Variants in SETD5 observed in about 807,000 individuals in gnomAD.
The protein encoded by SETD5 is SET domain containing 5.
A neutral mutation model predicts 153.3 loss-of-function variants in SETD5; 44 were observed. That is an observed-to-expected ratio of 0.29 (90% CI 0.23 to 0.37). The LOEUF (loss-of-function observed/expected upper bound fraction) is 0.37, where lower values mean the gene tolerates loss of function less well. Among genes scored for constraint, SETD5 ranks in the 10% least tolerant of loss-of-function variants. The pLI is 1.00. For missense variants in SETD5, 1,544 were observed against 1,768.0 expected (o/e 0.87, Z 2.27); for synonymous variants, 716 against 645.2 (o/e 1.11, Z -1.66).
chr3:9,445,372 A>G, intron 12 of SETD5, 72 bp downstream of exon 12: 6 of 1,522,834 alleles, frequency 3.9e-6, no homozygotes, highest in Non-Finnish European at 5.4e-6. Flanking sequence ...GGGTTGCCGC[A>G]TGGTTTAAGT....
chr3:9,464,286 T>C (rs901826985), intron 17 of SETD5, 139 bp from the exon 18 acceptor site: 7 of 1,132,448 alleles, frequency 6.2e-6, no homozygotes, highest in Non-Finnish European at 8.7e-6. Context: ...GGGATTTTGG[T>C]TGGATTGGAG....
chr3:9,460,443 T>G (rs2043817780), intron 17 of SETD5, among the ~76,000 whole-genome samples: 1 of 151,872 alleles, frequency 6.6e-6, no homozygotes, highest in South Asian at 2.1e-4. Context: ...TTTTTTTTTT[T>G]TTTTAATAGT....
intron 17 of SETD5, among the ~76,000 whole-genome samples, chr3:9,458,393 G>A (rs755814845): frequency 6.6e-6 from 1 of 152,120 alleles, no homozygotes; most frequent in Non-Finnish European, 1.5e-5. Flanking sequence ...AAGGCAGAAG[G>A]ATCACTTGAG....
At chr3:9,436,000 C>G in intron 7 of SETD5, 94 bp downstream of exon 7, 4 of 1,284,488 alleles carry the variant, frequency 3.1e-6, no homozygotes, top group Non-Finnish European at 2.1e-6. Context: ...GAAGTTTGAT[C>G]CAGGTGTTTG....
intron 2 of SETD5, among the ~76,000 whole-genome samples, chr3:9,428,180 C>T (rs931908113): frequency 6.6e-6 from 1 of 152,134 alleles, no homozygotes; most frequent in African/African-American, 2.4e-5. Context: ...TTGTTCATAT[C>T]TAGCAGCGTA....
intron 3 of SETD5, 29 bp from the exon 4 acceptor site, chr3:9,433,816 A>G (rs992240920): frequency 8.7e-6 from 14 of 1,602,016 alleles, no homozygotes; most frequent in Admixed American, 8.3e-5. Context: ...GTGTTATGCT[A>G]TCATGCATTG....
In SETD5 at chr3:9,473,615, C is replaced by G. The variant is rs912523928; in HGVS notation, c.3497+78C>G. On this transcript the variant is annotated intron_variant, in intron 20 of 22. Coordinates refer to ENST00000402198, the MANE Select transcript of SETD5 (RefSeq NM_001080517.3). Reference sequence around the variant, plus strand: ...TATCTAAGATCATTCCCAGTTTTACCTAAAATCTATGGGAACACTTGATGG... The same window carrying G: ...TATCTAAGATCATTCCCAGTTTTACGTAAAATCTATGGGAACACTTGATGG... 2.1e-6 allele frequency: 3 copies of G among 1,418,262 alleles called. No homozygotes were observed. In the African/African-American group the frequency reaches 4.3e-5, roughly 20 times the overall value. The allele number at this position is 1,418,262 out of a possible 1,614,324, so 87.9% of individuals were successfully genotyped here.
At position 9,476,459 on chromosome 3, in the gene SETD5, TAAA is replaced by T. The variant is rs5846639; in HGVS notation, c.*385_*387del. 24 of 113,692 alleles carry T rather than the reference TAAA, an allele frequency of 2.1e-4. No homozygotes were observed. Among genetic ancestry groups the T allele is most frequent in the East Asian group, 4.7e-4 (2 of 4,218 alleles). The allele number at this position is 113,692 out of a possible 1,614,324, so 7.0% of individuals were successfully genotyped here. A position where few individuals can be genotyped will look rare whatever the true frequency, so the allele number is the denominator to read the frequency against. ...TGCAGTGAGGACATCTTTTTAAATTTAAAAAAAAAAAAAAAAAAAGTTTTCAAA... is the reference window on the plus strand; with the variant it reads ...TGCAGTGAGGACATCTTTTTAAATTTAAAAAAAAAAAAAAAAGTTTTCAAA... On this transcript the variant is annotated 3_prime_UTR_variant, in exon 23 of 23. Transcript: ENST00000402198.
intron 1 of SETD5, among the ~76,000 whole-genome samples, chr3:9,408,447 T>C (rs1047311936): frequency 2.0e-5 from 3 of 152,218 alleles, no homozygotes; most frequent in African/African-American, 7.2e-5. Flanking sequence ...GTTTAAAAGG[T>C]TCCATTTGAT....
At chr3:9,418,004 G>C (rs1376543043) in intron 1 of SETD5, among the ~76,000 whole-genome samples, 1 of 148,438 alleles carries the variant, frequency 6.7e-6, no homozygotes, top group East Asian at 2.0e-4. Context: ...GCAGTGGCGC[G>C]ATCTCGGCTC....
At chr3:9,404,008 T>C (rs1437830480) in intron 1 of SETD5, among the ~76,000 whole-genome samples, 1 of 152,222 alleles carries the variant, frequency 6.6e-6, no homozygotes, top group Non-Finnish European at 1.5e-5. Context: ...TGAAGGAATA[T>C]ATGACAAGGT....
At chr3:9,441,876 C>A in intron 9 of SETD5, 135 bp downstream of exon 9, 1 of 1,098,854 alleles carries the variant, frequency 9.1e-7, no homozygotes, top group Non-Finnish European at 1.3e-6. Context: ...CACCTGTCTG[C>A]TATTTGTAGA....
chr3:9,443,476 C>A, intron 11 of SETD5, 59 bp downstream of exon 11: 1 of 942,642 alleles, frequency 1.1e-6, no homozygotes, highest in Non-Finnish European at 1.5e-6. Flanking sequence ...TTAAGCTATT[C>A]ACTCTATTTA....
At chr3:9,472,481 G>A (rs1037787240) in intron 19 of SETD5, among the ~76,000 whole-genome samples, 9 of 152,030 alleles carry the variant, frequency 5.9e-5, no homozygotes, top group African/African-American at 2.2e-4. Flanking sequence ...AGATGAAGGG[G>A]AAGTTAGGGA....
chr3:9,399,385 A>C (rs1316024000), intron 1 of SETD5, among the ~76,000 whole-genome samples: 1 of 152,002 alleles, frequency 6.6e-6, no homozygotes, highest in Non-Finnish European at 1.5e-5. Context: ...AAAGCAGAGA[A>C]TACCCACGTA....
At chr3:9,413,848 T>C (rs1234320867) in intron 1 of SETD5, among the ~76,000 whole-genome samples, 1 of 151,868 alleles carries the variant, frequency 6.6e-6, no homozygotes, top group Non-Finnish European at 1.5e-5. Context: ...TGTGATCTCT[T>C]CTCACTGCAA....
chr3:9,428,176 A>T (rs1575338175), intron 2 of SETD5, among the ~76,000 whole-genome samples: 1 of 152,204 alleles, frequency 6.6e-6, no homozygotes, highest in African/African-American at 2.4e-5. Context: ...ATTTTTGTTC[A>T]TATCTAGCAG....
At chr3:9,441,326 T>TA (rs756662174) in intron 8 of SETD5, among the ~76,000 whole-genome samples, 4 of 151,994 alleles carry the variant, frequency 2.6e-5, no homozygotes, top group African/African-American at 7.2e-5. Context: ...ATTTTAGAGA[T>TA]AGAGTCACTG....
intron 1 of SETD5, among the ~76,000 whole-genome samples, chr3:9,407,567 G>T (rs1193118109): frequency 6.6e-6 from 1 of 152,172 alleles, no homozygotes; most frequent in Non-Finnish European, 1.5e-5. Context: ...GACTATGCCA[G>T]CCAAGGGAGA....
Sources: allele counts gnomAD v4.1 joint callset (sites outside exome capture counted in the v4.1 genomes callset), GRCh38; gene constraint gnomAD v4.1.1; transcripts MANE v1.5; gene names NCBI Gene and HGNC (gene_info 2026-07-23, HGNC 2026-07-21).